The following MUC17 variants were observed in gnomAD, a reference collection of about 807,000 sequenced individuals.
The protein encoded by MUC17 is mucin 17, cell surface associated.
A neutral mutation model predicts 170.3 loss-of-function variants in MUC17; 190 were observed. That is an observed-to-expected ratio of 1.12 (90% CI 0.99 to 1.26). The LOEUF (loss-of-function observed/expected upper bound fraction) is 1.26, where lower values mean the gene tolerates loss of function less well. Among genes scored for constraint, MUC17 ranks in the 50% most tolerant of loss-of-function variants. The probability of loss-of-function intolerance (pLI) is 0.00; values close to 1 mark genes in which losing one functional copy is unlikely to be tolerated. For synonymous variants in MUC17, 2,325 were observed against 2,002.5 expected, an observed-to-expected ratio of 1.16 and a Z score of -4.30; for missense variants, 6,415 against 5,530.0, an observed-to-expected ratio of 1.16 and a Z score of -5.08.
At position 101,039,001 on chromosome 7, in the gene MUC17, A is replaced by T; in HGVS notation, c.7585A>T (p.Ser2529Cys). The change falls in exon 3 of 13, where the codon AGT becomes TGT. Residue 2529 changes from serine to cysteine, a missense_variant. Ser to Cys is a moderately radical substitution (Grantham distance 112, BLOSUM62 -1). Coordinates refer to ENST00000306151, the MANE Select transcript of MUC17 (RefSeq NM_001040105.2). ...ACCTGTCAGCACCACGCCAGTGGCCAGTCCTGAGGCTAGCACCCTTTCAAC... is the reference window on the plus strand; with the variant it reads ...ACCTGTCAGCACCACGCCAGTGGCCTGTCCTGAGGCTAGCACCCTTTCAAC... ...SIPVSTTPVASPEASTLSTTP... is the reference protein window; with the variant it reads ...SIPVSTTPVACPEASTLSTTP... The T allele has an allele frequency of 6.2e-7, 1 of 1,614,128 alleles. No individual in the cohort carries two copies. The highest frequency in any genetic ancestry group is 8.5e-7 in the Non-Finnish European group (1 of 1,180,008).
chr7:101,049,151 G>A (rs1427247405), intron 5 of MUC17, among the ~76,000 whole-genome samples, 173 bp from the exon 6 acceptor site: 1 of 152,186 alleles, frequency 6.6e-6, no homozygotes, highest in Non-Finnish European at 1.5e-5. Context: ...TTTACCTGGG[G>A]GCTGCAGGAG....
At position 101,036,520 on chromosome 7, in the gene MUC17, G is replaced by A. The variant is rs372968513; in HGVS notation, c.5104G>A (p.Val1702Met). 9 of 1,610,730 alleles carry A rather than the reference G, an allele frequency of 5.6e-6. No homozygotes were observed. Among genetic ancestry groups the A allele is most frequent in the African/African-American group, 2.7e-5 (2 of 74,718 alleles). The change falls in exon 3 of 13, where the codon GTG (valine) becomes ATG (methionine). Residue 1702 changes from valine (V) to methionine (M), a missense_variant. By Grantham distance (21) the Val-to-Met change is conservative. Transcript: ENST00000306151. ...AAGTATAACTGTCAGAACAACACCGGTGGCCAGCTCTGCAATCAGCACCCT... is the reference window on the plus strand; with the variant it reads ...AAGTATAACTGTCAGAACAACACCGATGGCCAGCTCTGCAATCAGCACCCT... The part of the protein sequence containing the change: ...LTSITVRTTP[V>M]ASSAISTLST...
intron 7 of MUC17, 38 bp from the exon 8 acceptor site, chr7:101,051,575 G>C: frequency 1.9e-6 from 3 of 1,605,848 alleles, no homozygotes; most frequent in Non-Finnish European, 2.6e-6. Flanking sequence ...GAACAAGCGT[G>C]TATGTGTCGT....
intron 9 of MUC17, 68 bp from the exon 10 acceptor site, chr7:101,052,918 G>A: frequency 6.5e-7 from 1 of 1,544,084 alleles, no homozygotes; most frequent in Non-Finnish European, 8.8e-7. Context: ...CACTGGGCAG[G>A]GCCCAGGTCT....
rs1003610624 is a variant in MUC17, at chr7:101,043,802, T to C, written c.12386T>C (p.Val4129Ala). Residue 4129 changes from valine (V) to alanine (A), a missense_variant, in exon 3 of 13, where the codon GTG (valine) becomes GCG (alanine). Transcript: ENST00000306151. ...AGCAACCCCACCTCAACTCCTACTG[T>C]GCCAAGAACCACAACATGTAAGTGA... is the stretch of plus-strand genomic sequence containing the variant. ...IKSNPTSTPT[V>A]PRTTTCFGDG... 6.2e-6 allele frequency: 10 copies of C among 1,600,590 alleles called. No individual in the cohort carries two copies. The highest frequency in any genetic ancestry group is 8.5e-6 in the Non-Finnish European group (10 of 1,172,040).
rs1280191761 is a variant in MUC17 at position 101,039,773 on chromosome 7, C to A, written c.8357C>A (p.Thr2786Asn). 4.3e-6 allele frequency: 7 copies of A among 1,609,766 alleles called. No individual in the cohort carries two copies. Among genetic ancestry groups the A allele is most frequent in the Non-Finnish European group, 5.9e-6 (7 of 1,177,460 alleles). Residue 2786 changes from threonine to asparagine, a missense_variant, in exon 3 of 13, where the codon ACT becomes AAT. By Grantham distance (65) the Thr-to-Asn change is moderately conservative. Coordinates refer to ENST00000306151, the MANE Select transcript of MUC17 (RefSeq NM_001040105.2). ...ACCAGCATACCTGTCACCACTTCTA[C>A]TGAAGCCAGTTCCTCTCCTACAACT... Reference protein sequence around the residue: ...VDTSIPVTTSTEASSSPTTAE... With the variant: ...VDTSIPVTTSNEASSSPTTAE...
chr7:101,056,846 AT>A (rs71517136), intron 12 of MUC17, among the ~76,000 whole-genome samples: 16 of 151,016 alleles, frequency 1.1e-4, no homozygotes, highest in African/African-American at 3.4e-4. Flanking sequence ...TTTTATTACT[AT>A]TTTTTTTTCT....
chr7:101,051,969 G>T lies in MUC17; in HGVS notation c.13103+7G>T, dbSNP rs1219402795. On this transcript the variant is annotated splice_region_variant and intron_variant, in intron 9 of 12. Coordinates refer to ENST00000306151, the MANE Select transcript of MUC17 (RefSeq NM_001040105.2). ...TAAGTGGACCTCAGTGCCTGTGAGT[G>T]CTCCCCCATCTCCTCCAGCCCAGCC... 1.9e-6 allele frequency: 3 copies of T among 1,608,924 alleles called. No homozygotes were observed. Among genetic ancestry groups the T allele is most frequent in the Admixed American group, 1.7e-5 (1 of 59,854 alleles).
In MUC17 at chr7:101,032,544, A is replaced by C. The variant is rs533826320; in HGVS notation, c.1128A>C (p.Thr376=). Residue 376 remains threonine (T), a synonymous_variant, in exon 3 of 13, where the codon ACA becomes ACC. Coordinates refer to ENST00000306151, the MANE Select transcript of MUC17 (RefSeq NM_001040105.2). ...TTSTEPSSLP[T]TAEATSMLTS... is the part of the protein sequence containing the mutation. ...CTACTGAACCCAGTTCACTTCCTAC[A>C]ACTGCTGAAGCTACCAGCATGCTAA... The C allele has an allele frequency of 9.3e-6, 15 of 1,614,078 alleles. No homozygotes were observed. The East Asian group carries it at 2.9e-4, about 31-fold the overall frequency.
rs1584867155 is a variant in MUC17, at chr7:101,038,594, G to A, written c.7178G>A (p.Ser2393Asn). 5 of 1,613,996 alleles carry A rather than the reference G, an allele frequency of 3.1e-6. No individual in the cohort carries two copies. The highest frequency in any genetic ancestry group is 4.2e-6 in the Non-Finnish European group (5 of 1,179,944). The change falls in exon 3 of 13, where the codon AGT becomes AAT. Residue 2393 changes from serine to asparagine, a missense_variant. Ser to Asn is a conservative substitution (Grantham distance 46). Transcript: ENST00000306151. Reference sequence around the variant, plus strand: ...ACTAGCATGCCAACCTCAACTTATAGTGAAGGAAGCACTCCACTAACAAGT... The same window carrying A: ...ACTAGCATGCCAACCTCAACTTATAATGAAGGAAGCACTCCACTAACAAGT... ...DDTSMPTSTYSEGSTPLTSVP... is the reference protein window; with the variant it reads ...DDTSMPTSTYNEGSTPLTSVP...
intron 1 of MUC17, among the ~76,000 whole-genome samples, 200 bp downstream of exon 1, chr7:101,020,417 G>A (rs116217043): frequency 0.022 from 3,345 of 152,232 alleles, 102 homozygotes; most frequent in African/African-American, 0.076. Flanking sequence ...GGGCATTGGA[G>A]CCTCTTCCAG....
chr7:101,042,139 AG>A lies in MUC17; in HGVS notation c.10724del (p.Ser3575ThrfsTer4). ...GCGTATGTCTACTCCAAGTGAAGGAAGCTCTTCATTAACAACTATGCTCCTC... is the reference window on the plus strand; with the variant it reads ...GCGTATGTCTACTCCAAGTGAAGGAACTCTTCATTAACAACTATGCTCCTC... ...TMRMSTPSEG[S>X]SSLTTMLLSS... On this transcript the variant is annotated frameshift_variant, in exon 3 of 13. Coordinates refer to ENST00000306151, the MANE Select transcript of MUC17 (RefSeq NM_001040105.2). LOFTEE classifies it high-confidence loss of function. The A allele has an allele frequency of 6.2e-7, 1 of 1,614,166 alleles. No individual in the cohort carries two copies. The highest frequency in any genetic ancestry group is 2.2e-5 in the East Asian group (1 of 44,880).
Position 101,036,495 on chromosome 7 carries a change from A to G in MUC17, c.5079A>G (p.Thr1693=). The change falls in exon 3 of 13, where the codon ACA becomes ACG. Residue 1693 remains threonine (T), a synonymous_variant. Transcript: ENST00000306151. ...STYTEGRTPL[T]SITVRTTPVA... ...ATACTGAAGGAAGAACTCCTTTAAC[A>G]AGTATAACTGTCAGAACAACACCGG... is the stretch of plus-strand genomic sequence containing the variant. 1 of 1,610,836 alleles carries G rather than the reference A, an allele frequency of 6.2e-7. No individual in the cohort carries two copies.
In MUC17 at chr7:101,043,543, C is replaced by G. The variant is rs371363140; in HGVS notation, c.12127C>G (p.Arg4043Gly). ...TCACACCTCTACTTCTGTCACCACC[C>G]GTCCTGTGACCCCTTCATCAGAATC... ...TPHTSTSVTT[R>G]PVTPSSESSR... Residue 4043 changes from arginine to glycine, a missense_variant, in exon 3 of 13, where the codon CGT becomes GGT. Arg to Gly is a moderately radical substitution (Grantham distance 125). Coordinates refer to ENST00000306151, the MANE Select transcript of MUC17 (RefSeq NM_001040105.2). 1 of 1,614,186 alleles carries G rather than the reference C, an allele frequency of 6.2e-7. No individual in the cohort carries two copies. The highest frequency in any genetic ancestry group is 1.1e-5 in the South Asian group (1 of 91,084).
chr7:101,040,595 T>C lies in MUC17; in HGVS notation c.9179T>C (p.Ile3060Thr). ...CCTGTCAGCACCACGCCAGTGGCCA[T>C]TCCTGAGGCTAGCACCCTTTCAACA... is the stretch of plus-strand genomic sequence containing the variant. ...SIPVSTTPVA[I>T]PEASTLSTTP... Residue 3060 changes from isoleucine (I) to threonine (T), a missense_variant, in exon 3 of 13, where the codon ATT (isoleucine) becomes ACT (threonine). By Grantham distance (89) the Ile-to-Thr change is moderately conservative. Coordinates refer to ENST00000306151, the MANE Select transcript of MUC17 (RefSeq NM_001040105.2). The C allele has an allele frequency of 6.3e-7, 1 of 1,589,858 alleles. No individual in the cohort carries two copies. Among genetic ancestry groups the C allele is most frequent in the Non-Finnish European group, 8.5e-7 (1 of 1,170,020 alleles).
rs144268563 is a variant in MUC17, at chr7:101,041,996, C to T, written c.10580C>T (p.Thr3527Ile). Reference protein sequence around the residue: ...TPLTNMPVSTTPVASSEASTL... With the variant: ...TPLTNMPVSTIPVASSEASTL... ...TTAACAAATATGCCTGTCAGCACCA[C>T]ACCGGTGGCCAGTTCTGAGGCTAGC... Residue 3527 changes from threonine (T) to isoleucine (I), a missense_variant, in exon 3 of 13, where the codon ACA (threonine) becomes ATA (isoleucine). Physicochemically the swap from Thr to Ile is moderately conservative, Grantham distance 89. Transcript: ENST00000306151. The T allele has an allele frequency of 9.9e-5, 159 of 1,613,438 alleles. No homozygotes were observed. The East Asian group carries it at 3.5e-3, about 35-fold the overall frequency.
chr7:101,040,818 A>C lies in MUC17; in HGVS notation c.9402A>C (p.Thr3134=), dbSNP rs771154016. The change falls in exon 3 of 13, where the codon ACA becomes ACC. Residue 3134 remains threonine (T), a synonymous_variant. Coordinates refer to ENST00000306151, the MANE Select transcript of MUC17 (RefSeq NM_001040105.2). ...CAACAACTCCTGTTGACACCAGCAC[A>C]CCTGTGACCACTTCTACTGAAGCCC... ...TLSTTPVDTS[T]PVTTSTEAHS... is the part of the protein sequence containing the mutation. 4.3e-6 allele frequency: 7 copies of C among 1,612,204 alleles called. No homozygotes were observed. The highest frequency in any genetic ancestry group is 5.9e-6 in the Non-Finnish European group (7 of 1,179,478).
intron 1 of MUC17, 108 bp downstream of exon 1, chr7:101,020,325 T>G (rs13242391): frequency 0.26 from 209,510 of 821,212 alleles, 30,751 homozygotes; most frequent in Admixed American, 0.45. Flanking sequence ...CCAATAGGGG[T>G]GTGCCCTCTG....
At position 101,040,262 on chromosome 7, in the gene MUC17, C is replaced by G; in HGVS notation, c.8846C>G (p.Ser2949Ter). ...PVAGSEASTL[S>*]TTPVDTRTPV... is the part of the protein sequence containing the mutation. ...GCCGGTTCTGAGGCTAGCACCCTTTCAACAACTCCTGTTGACACCAGGACA... is the reference window on the plus strand; with the variant it reads ...GCCGGTTCTGAGGCTAGCACCCTTTGAACAACTCCTGTTGACACCAGGACA... The change falls in exon 3 of 13, where the codon TCA becomes TGA. Residue 2949 changes from serine to a stop codon, truncating the protein, a stop_gained. Coordinates refer to ENST00000306151, the MANE Select transcript of MUC17 (RefSeq NM_001040105.2). LOFTEE classifies it high-confidence loss of function. 6.2e-7 allele frequency: 1 copy of G among 1,610,612 alleles called. No individual in the cohort carries two copies. Among genetic ancestry groups the G allele is most frequent in the Non-Finnish European group, 8.5e-7 (1 of 1,178,328 alleles).
Sources: gnomAD v4.1 joint callset for allele counts (sites outside exome capture counted in the v4.1 genomes callset) on GRCh38, gnomAD v4.1.1 for gene constraint, MANE v1.5 for transcripts, NCBI Gene and HGNC (gene_info 2026-07-23, HGNC 2026-07-21) for gene names.